Variants in PFKP observed in about 807,000 individuals in gnomAD.
The protein encoded by PFKP is ATP-dependent 6-phosphofructokinase, platelet type.
Under a neutral mutation model 94.3 loss-of-function variants are expected in PFKP, and 101 were observed. The observed-to-expected ratio is 1.07, with a 90% CI of 0.91 to 1.26. The LOEUF (loss-of-function observed/expected upper bound fraction) is 1.26. PFKP is among the 50% of genes most tolerant of loss of function. The pLI is 0.00. For missense variants in PFKP, 1,145 were observed against 1,103.3 expected, an observed-to-expected ratio of 1.04 and a Z score of -0.53; for synonymous variants, 573 against 432.6, an observed-to-expected ratio of 1.32 and a Z score of -4.03.
intron 16 of PFKP, among the ~76,000 whole-genome samples, chr10:3,125,648 G>A (rs1163106625): frequency 2.6e-5 from 4 of 152,220 alleles, no homozygotes; most frequent in Non-Finnish European, 5.9e-5. Context: ...CCCACTGGGG[G>A]CCGCTGCCTG....
chr10:3,094,158 T>G (rs1018883069), intron 2 of PFKP, among the ~76,000 whole-genome samples: 4 of 152,114 alleles, frequency 2.6e-5, no homozygotes, highest in Non-Finnish European at 5.9e-5. Flanking sequence ...AAGGTGGGGT[T>G]TGCTGTAAGG....
At position 3,099,265 on chromosome 10, in the gene PFKP, TCTCC is replaced by T; in HGVS notation, c.187-8_187-5del. On this transcript the variant is annotated splice_polypyrimidine_tract_variant and splice_region_variant and intron_variant, in intron 2 of 21. Coordinates refer to ENST00000381125, the MANE Select transcript of PFKP (RefSeq NM_002627.5). ...TCTCATTTTTAAAAGATTCTCCCTT[TCTCC>T]CCTAGGGCTACCAGGGCATGGTGGA... The T allele has an allele frequency of 6.2e-7, 1 of 1,605,482 alleles. No homozygotes were observed. The highest frequency in any genetic ancestry group is 2.2e-5 in the East Asian group (1 of 44,818).
At position 3,079,335 on chromosome 10, in the gene PFKP, C is replaced by T. The variant is rs1406779481; in HGVS notation, c.113-3053C>T. Reference sequence around the variant, plus strand: ...CTGCAAGCTCCACCTCCCGGGTTCACGCCATTCTCCTGCCTCAGCCTCCCG... The same window carrying T: ...CTGCAAGCTCCACCTCCCGGGTTCATGCCATTCTCCTGCCTCAGCCTCCCG... On this transcript the variant is annotated intron_variant, in intron 1 of 21. Coordinates refer to ENST00000381125, the MANE Select transcript of PFKP (RefSeq NM_002627.5). Among the ~76,000 whole-genome samples the T allele has an allele frequency of 5.3e-5, 8 of 151,932 alleles. No individual in the cohort carries two copies. In the South Asian group the frequency reaches 8.3e-4, roughly 16 times the overall value.
intron 13 of PFKP, among the ~76,000 whole-genome samples, chr10:3,116,336 G>A (rs139405537): frequency 2.4e-4 from 36 of 152,328 alleles, no homozygotes; most frequent in Non-Finnish European, 4.3e-4. Flanking sequence ...CAGTCCTGCC[G>A]TCCTCGCAGT....
In PFKP at chr10:3,103,793, G is replaced by A; in HGVS notation, c.469G>A (p.Glu157Lys). ...ELARNGQIDK[E>K]AVQKYAYLNV... Reference sequence around the variant, plus strand: ...TCCCCGCGCAGGCCAGATCGATAAGGAGGCCGTGCAGAAGTACGCCTACCT... The same window carrying A: ...TCCCCGCGCAGGCCAGATCGATAAGAAGGCCGTGCAGAAGTACGCCTACCT... Residue 157 changes from glutamate (E) to lysine (K), a missense_variant, in exon 5 of 22, where the codon GAG becomes AAG. This residue lies in a region of PFKP where 1,119 missense variants were observed against 1,062.8 expected (regional missense o/e 1.05). Coordinates refer to ENST00000381125, the MANE Select transcript of PFKP (RefSeq NM_002627.5). 6.2e-7 allele frequency: 1 copy of A among 1,613,936 alleles called. No individual in the cohort carries two copies. The highest frequency in any genetic ancestry group is 8.5e-7 in the Non-Finnish European group (1 of 1,180,038).
At chr10:3,109,584 C>T in intron 10 of PFKP, 104 bp downstream of exon 10, 2 of 1,363,688 alleles carry the variant, frequency 1.5e-6, no homozygotes, top group Non-Finnish European at 1.0e-6. Context: ...GTGCACGATG[C>T]ATTACACGGC....
rs1588602676 is a variant in PFKP, at chr10:3,136,772, G to A, written c.*193G>A. The A allele has an allele frequency of 2.0e-6, 1 of 493,812 alleles. No homozygotes were observed. The highest frequency in any genetic ancestry group is 3.6e-6 in the Non-Finnish European group (1 of 277,116). 30.6% of individuals were successfully genotyped at this position (493,812 alleles called of 1,614,324 possible). A position where few individuals can be genotyped will look rare whatever the true frequency, so the allele number is the denominator to read the frequency against. ...ATGCTTTCAGATGTGCATATGAGCA[G>A]AATTAATTAAACATTTGCCTATGAC... On this transcript the variant is annotated 3_prime_UTR_variant, in exon 22 of 22. Coordinates refer to ENST00000381125, the MANE Select transcript of PFKP (RefSeq NM_002627.5).
At position 3,076,377 on chromosome 10, in the gene PFKP, G is replaced by T. The variant is rs564791054; in HGVS notation, c.113-6011G>T. Among the ~76,000 whole-genome samples, 5 of 152,220 alleles carry T rather than the reference G, an allele frequency of 3.3e-5. No homozygotes were observed. The East Asian group carries it at 9.7e-4, about 29-fold the overall frequency. On this transcript the variant is annotated intron_variant, in intron 1 of 21. Coordinates refer to ENST00000381125, the MANE Select transcript of PFKP (RefSeq NM_002627.5). ...GGACCCTGGAATGCAGCATGCTGCC[G>T]CCGCGCCCCCGCCCCAGCCCCTCTG...
chr10:3,068,095 G>A lies in PFKP; in HGVS notation c.112+388G>A, dbSNP rs558663552. Among the ~76,000 whole-genome samples, 408 of 152,298 alleles carry A rather than the reference G, an allele frequency of 2.7e-3. 1 individual carries two copies. Among genetic ancestry groups the A allele is most frequent in the Non-Finnish European group, 3.5e-3 (235 of 68,006 alleles). On this transcript the variant is annotated intron_variant, in intron 1 of 21. Transcript: ENST00000381125. ...GTCGCCTGAAGCGCCCTCGGGGGTC[G>A]TTCTGCCTCTGAGCTGTAGGACGGG...
intron 16 of PFKP, among the ~76,000 whole-genome samples, chr10:3,125,406 T>G (rs1014604674): frequency 2.6e-5 from 4 of 152,216 alleles, no homozygotes; most frequent in African/African-American, 7.2e-5. Flanking sequence ...AAAATTTTTT[T>G]AGCTTCTCTG....
chr10:3,082,610 C>A, intron 2 of PFKP, 149 bp downstream of exon 2: 2 of 484,666 alleles, frequency 4.1e-6, no homozygotes, highest in Non-Finnish European at 7.3e-6. Context: ...CAGGGCCGTT[C>A]CTCAGCCCAC....
intron 19 of PFKP, 133 bp downstream of exon 19, chr10:3,133,447 T>C (rs1215194206): frequency 1.5e-6 from 1 of 673,786 alleles, no homozygotes; most frequent in African/African-American, 1.8e-5. Flanking sequence ...TCTGAACTTT[T>C]TGAGACAGAG....
intron 16 of PFKP, among the ~76,000 whole-genome samples, chr10:3,120,578 G>C (rs1462990260): frequency 1.3e-5 from 2 of 152,172 alleles, no homozygotes; most frequent in Admixed American, 1.3e-4. Context: ...GTAAACTGGG[G>C]ATGTTAAATT....
At chr10:3,095,333 A>G (rs1834394083) in intron 2 of PFKP, among the ~76,000 whole-genome samples, 1 of 115,902 alleles carries the variant, frequency 8.6e-6, no homozygotes, top group Non-Finnish European at 2.1e-5. Flanking sequence ...CTCTACATAT[A>G]GAATGATCTC....
At position 3,132,443 on chromosome 10, in the gene PFKP, T is replaced by G; in HGVS notation, c.1910+2T>G. On this transcript the variant is annotated splice_donor_variant, in intron 18 of 21. Transcript: ENST00000381125. LOFTEE classifies it high-confidence loss of function. ...CATCCAGAGAGGCCTTGTGCTCAGG[T>G]GAGAGAGAGAGACCAGGGGCTGATC... is the stretch of plus-strand genomic sequence containing the variant. The G allele has an allele frequency of 6.2e-7, 1 of 1,603,454 alleles. No individual in the cohort carries two copies. The highest frequency in any genetic ancestry group is 8.5e-7 in the Non-Finnish European group (1 of 1,170,576).
chr10:3,079,672 G>GGGGGGA, intron 1 of PFKP, among the ~76,000 whole-genome samples: 1 of 111,586 alleles, frequency 9.0e-6, no homozygotes, highest in South Asian at 3.6e-4. Flanking sequence ...TGGGGGGGGG[G>GGGGGGA]GGAAGAGGAG....
rs756826087 is a variant in PFKP, at chr10:3,112,292, G to T, written c.1154+6G>T. 2.5e-6 allele frequency: 4 copies of T among 1,610,782 alleles called. No individual in the cohort carries two copies. The Admixed American group carries it at 6.7e-5, about 27-fold the overall frequency. On this transcript the variant is annotated splice_donor_region_variant and intron_variant, in intron 11 of 21. Transcript: ENST00000381125. ...GCGGTTCGACTCCGAGGGAGGTGAGGTGCTTTGGAGAAAGCTCTGCCCTGT... is the reference window on the plus strand; with the variant it reads ...GCGGTTCGACTCCGAGGGAGGTGAGTTGCTTTGGAGAAAGCTCTGCCCTGT...
chr10:3,131,196 T>C (rs754905056), intron 17 of PFKP, among the ~76,000 whole-genome samples: 29 of 152,192 alleles, frequency 1.9e-4, no homozygotes, highest in Admixed American at 3.3e-4. Flanking sequence ...AGATACACAA[T>C]TGCCTGCAGT....
chr10:3,124,060 C>T (rs1278836010), intron 16 of PFKP, among the ~76,000 whole-genome samples: 2 of 148,538 alleles, frequency 1.3e-5, no homozygotes, highest in African/African-American at 4.9e-5. Context: ...CGGGTCTACA[C>T]CCACTGTCCG....
Sources: gnomAD v4.1 joint callset for allele counts (sites outside exome capture counted in the v4.1 genomes callset) on GRCh38, gnomAD v4.1.1 for gene constraint, gnomAD v4.1.1 regional missense constraint, MANE v1.5 for transcripts, NCBI Gene and HGNC (gene_info 2026-07-23, HGNC 2026-07-21) for gene names.